Variants in TECTA observed in about 807,000 individuals in gnomAD.
TECTA encodes the protein alpha-tectorin.
TECTA carries 128 observed loss-of-function variants against 216.8 expected under a neutral mutation model. The ratio of observed to expected loss-of-function variants is 0.59; its 90% confidence interval spans 0.51 to 0.68. The LOEUF (loss-of-function observed/expected upper bound fraction) is 0.68. TECTA is among the 30% of genes least tolerant of loss of function. TECTA has a pLI of 0.00. For missense variants in TECTA, 2,551 were observed against 2,786.2 expected (o/e 0.92, Z 1.90); for synonymous variants, 1,089 against 1,117.1 (o/e 0.97, Z 0.50).
At chr11:121,178,692 G>GT (rs1458523301) in intron 20 of TECTA, among the ~76,000 whole-genome samples, 2 of 152,152 alleles carry the variant, frequency 1.3e-5, no homozygotes, top group South Asian at 4.1e-4. Context: ...GTTCTTCTTT[G>GT]TAAGTATGGT....
intron 3 of TECTA, among the ~76,000 whole-genome samples, chr11:121,106,523 C>T (rs1946391724): frequency 6.6e-6 from 1 of 152,120 alleles, no homozygotes; most frequent in African/African-American, 2.4e-5. Context: ...GTGATCAGAG[C>T]TCTCCTAGGC....
intron 10 of TECTA, among the ~76,000 whole-genome samples, chr11:121,132,771 G>A (rs1269881468): frequency 6.6e-6 from 1 of 152,114 alleles, no homozygotes; most frequent in South Asian, 2.1e-4. Context: ...CCAGGCTGGA[G>A]TGCAGTGGCA....
chr11:121,175,027 C>A (rs911657582), intron 20 of TECTA, among the ~76,000 whole-genome samples: 11 of 152,148 alleles, frequency 7.2e-5, no homozygotes, highest in African/African-American at 2.6e-4. Context: ...TCTGTGGGAT[C>A]GGTGGTGATA....
At chr11:121,171,920 T>C (rs1017826199) in intron 20 of TECTA, among the ~76,000 whole-genome samples, 1 of 152,186 alleles carries the variant, frequency 6.6e-6, no homozygotes, top group Admixed American at 6.5e-5. Context: ...CTTGCTTGAT[T>C]GAACTGGCTA....
intron 4 of TECTA, among the ~76,000 whole-genome samples, chr11:121,112,149 G>GTTTTTTGAAAACAT (rs1946447699): frequency 6.6e-6 from 1 of 152,162 alleles, no homozygotes; most frequent in Admixed American, 6.5e-5. Flanking sequence ...TGTGACAAGG[G>GTTTTTTGAAAACAT]GTGAGGATTA....
intron 22 of TECTA, 41 bp downstream of exon 22, chr11:121,189,208 A>G: frequency 6.3e-7 from 1 of 1,599,282 alleles, no homozygotes; most frequent in Non-Finnish European, 8.6e-7. Flanking sequence ...TTATTAAAAC[A>G]ACGGGATTTC....
At chr11:121,170,488 T>G (rs755824839) in intron 20 of TECTA, among the ~76,000 whole-genome samples, 1 of 152,128 alleles carries the variant, frequency 6.6e-6, no homozygotes, top group Non-Finnish European at 1.5e-5. Flanking sequence ...TGTGTGTGCG[T>G]GTGAAACCTC....
rs765423312 is a variant in TECTA at position 121,189,174 on chromosome 11, A to T, written c.6250+7A>T. Reference sequence around the variant, plus strand: ...GGACCTATTAGGAGAAAAAGTATGTATGTTCCCTAAAACACACCCTAAATT... The same window carrying T: ...GGACCTATTAGGAGAAAAAGTATGTTTGTTCCCTAAAACACACCCTAAATT... On this transcript the variant is annotated splice_region_variant and intron_variant, in intron 22 of 23. Transcript: ENST00000392793. The T allele has an allele frequency of 6.2e-7, 1 of 1,613,172 alleles. No homozygotes were observed. The highest frequency in any genetic ancestry group is 1.1e-5 in the South Asian group (1 of 91,054).
At chr11:121,155,398 A>G (rs1946931402) in intron 13 of TECTA, among the ~76,000 whole-genome samples, 1 of 152,228 alleles carries the variant, frequency 6.6e-6, no homozygotes, top group Admixed American at 6.5e-5. Context: ...TAAATCTGAT[A>G]AGAGAAATGA....
At chr11:121,112,976 G>C in intron 4 of TECTA, 96 bp from the exon 5 acceptor site, 1 of 1,519,410 alleles carries the variant, frequency 6.6e-7, no homozygotes, top group Non-Finnish European at 9.0e-7. Flanking sequence ...TGAGCTGCCT[G>C]TGGGTGGGGA....
chr11:121,178,571 G>A lies in TECTA; in HGVS notation c.6000-9261G>A, dbSNP rs1947194347. ...GTGTGTGTGTGTGTGTGGTGTCCTG[G>A]TCTAGTTTTGATATCAGGGTAATGC... is the stretch of plus-strand genomic sequence containing the variant. On this transcript the variant is annotated intron_variant, in intron 20 of 23. Transcript: ENST00000392793. Among the ~76,000 whole-genome samples, 7 of 144,090 alleles carry A rather than the reference G, an allele frequency of 4.9e-5. No individual in the cohort carries two copies. In the Admixed American group the frequency reaches 4.9e-4, roughly 10 times the overall value. 94.5% of individuals were successfully genotyped at this position (144,090 alleles called of 152,430 possible). A position where few individuals can be genotyped will look rare whatever the true frequency, so the allele number is the denominator to read the frequency against.
Position 121,122,685 on chromosome 11 carries a change from AAAAAAAAAG to A in TECTA, c.1204-2613_1204-2605del, listed in dbSNP as rs1422012229. ...AGCCTGTCTCTCCAAAAAAAAAAAAAAAAAAAAAGAAAGCCAAAATAGCCAGGTGTTGTG... is the reference window on the plus strand; with the variant it reads ...AGCCTGTCTCTCCAAAAAAAAAAAAAAAAGCCAAAATAGCCAGGTGTTGTG... On this transcript the variant is annotated intron_variant, in intron 7 of 23. Coordinates refer to ENST00000392793, the MANE Select transcript of TECTA (RefSeq NM_005422.4). 3.9e-4 allele frequency among the ~76,000 whole-genome samples: 57 copies of A among 146,012 alleles called. 1 individual carries two copies. Among genetic ancestry groups the A allele is most frequent in the African/African-American group, 1.3e-3 (52 of 39,034 alleles).
At chr11:121,150,947 C>G (rs1015667481) in intron 12 of TECTA, among the ~76,000 whole-genome samples, 5 of 151,664 alleles carry the variant, frequency 3.3e-5, no homozygotes, top group African/African-American at 1.2e-4. Context: ...CCTGGCCAGG[C>G]CTATTTTAAT....
At chr11:121,179,129 G>A (rs933284749) in intron 20 of TECTA, among the ~76,000 whole-genome samples, 3 of 151,418 alleles carry the variant, frequency 2.0e-5, no homozygotes, top group Admixed American at 2.0e-4. Flanking sequence ...TACTAATTTT[G>A]GATTTAATTT....
rs139509847 is a variant in TECTA, at chr11:121,129,874, G to T, written c.2604G>T (p.Thr868=). 2.0e-4 allele frequency: 325 copies of T among 1,614,200 alleles called. 1 individual carries two copies. The African/African-American group carries it at 4.0e-3, about 20-fold the overall frequency. The change falls in exon 10 of 24, where the codon ACG becomes ACT. Residue 868 remains threonine, a synonymous_variant. Transcript: ENST00000392793. ...DEFCLPNGKC[T]DNLAVFLESW... Reference sequence around the variant, plus strand: ...TCTGTCTCCCCAACGGCAAGTGCACGGACAACCTGGCAGTGTTCCTGGAAA... The same window carrying T: ...TCTGTCTCCCCAACGGCAAGTGCACTGACAACCTGGCAGTGTTCCTGGAAA...
rs200930738 is a variant in TECTA, at chr11:121,187,883, C to T, written c.6051C>T (p.Ser2017=). ...NTIGIEENAV[S]LTCRFHVTVF... is the part of the protein sequence containing the mutation. ...TTGGCATCGAGGAGAATGCAGTCTC[C>T]CTGACCTGTCGCTTTCACGTCACCG... The change falls in exon 21 of 24, where the codon TCC becomes TCT. Residue 2017 remains serine, a synonymous_variant. Transcript: ENST00000392793. 1.9e-6 allele frequency: 3 copies of T among 1,614,220 alleles called. No homozygotes were observed. The highest frequency in any genetic ancestry group is 4.5e-5 in the East Asian group (2 of 44,894).
intron 7 of TECTA, among the ~76,000 whole-genome samples, chr11:121,123,525 C>T (rs930890263): frequency 2.0e-5 from 3 of 152,224 alleles, no homozygotes; most frequent in Non-Finnish European, 4.4e-5. Flanking sequence ...CAACTTCCTT[C>T]AATAATTTCT....
intron 12 of TECTA, among the ~76,000 whole-genome samples, chr11:121,147,521 G>T (rs1433083470): frequency 6.7e-6 from 1 of 150,258 alleles, no homozygotes; most frequent in African/African-American, 2.5e-5. Context: ...CTGACAAACC[G>T]GCCTCTAATG....
At chr11:121,182,252 GT>G (rs1200883984) in intron 20 of TECTA, among the ~76,000 whole-genome samples, 3 of 151,938 alleles carry the variant, frequency 2.0e-5, no homozygotes, top group Non-Finnish European at 4.4e-5. Flanking sequence ...GCCCTAAGTG[GT>G]GTGTGTGGCA....
Sources: gnomAD v4.1 joint callset for allele counts (sites outside exome capture counted in the v4.1 genomes callset) on GRCh38, gnomAD v4.1.1 for gene constraint, MANE v1.5 for transcripts, NCBI Gene and HGNC (gene_info 2026-07-23, HGNC 2026-07-21) for gene names.